CD226: variants seen among roughly 807,000 people sequenced by gnomAD.
CD226 encodes the protein CD226 molecule.
A neutral mutation model predicts 34.9 loss-of-function variants in CD226; 24 were observed. The observed-to-expected ratio is 0.69, with a 90% CI of 0.50 to 0.97. The LOEUF is 0.97. Ranked by LOEUF, CD226 falls within the 50% of genes least tolerant of loss-of-function variation. CD226 has a pLI of 0.00. For missense variants in CD226, 397 were observed against 412.7 expected (o/e 0.96, Z 0.33); for synonymous variants, 148 against 147.4 (o/e 1.00, Z -0.03).
At chr18:69,952,196 TCTCA>T (rs2055860273), upstream of CD226, among the ~76,000 whole-genome samples, 1 of 152,146 alleles carries the variant, frequency 6.6e-6, no homozygotes, top group South Asian at 2.1e-4. Context: ...AACCACATGT[TCTCA>T]CTTATAAATG....
intron 2 of CD226, among the ~76,000 whole-genome samples, chr18:69,918,838 T>C (rs967295835): frequency 6.6e-6 from 1 of 151,974 alleles, no homozygotes; most frequent in Admixed American, 6.5e-5. Context: ...AAAATACAGA[T>C]GGAAAGTGGA....
At chr18:69,918,227 T>C (rs1484873532) in intron 2 of CD226, among the ~76,000 whole-genome samples, 2 of 152,122 alleles carry the variant, frequency 1.3e-5, no homozygotes, top group African/African-American at 4.8e-5. Context: ...TCAAAAATAT[T>C]TGGTAAGGGC....
intron 4 of CD226, among the ~76,000 whole-genome samples, chr18:69,869,548 T>C (rs1983371427): frequency 6.6e-6 from 1 of 152,072 alleles, no homozygotes; most frequent in Non-Finnish European, 1.5e-5. Flanking sequence ...AAAATAACTA[T>C]TGGGTATAAG....
Position 69,871,958 on chromosome 18 carries a change from G to A in CD226, c.830+1186C>T, listed in dbSNP as rs144224191. On this transcript the variant is annotated intron_variant, in intron 4 of 5. Coordinates refer to ENST00000582621, the MANE Select transcript of CD226 (RefSeq NM_001303618.2). ...CTACAGCTGAGAGCAGGCTGGAGAC[G>A]TTACCAAAACCAGGGAGCAGTGATG... 1.4e-3 allele frequency among the ~76,000 whole-genome samples: 220 copies of A among 152,134 alleles called. 1 individual carries two copies. Among genetic ancestry groups the A allele is most frequent in the Middle Eastern group, 6.8e-3 (2 of 294 alleles).
chr18:69,901,827 C>A (rs900084079), intron 2 of CD226, among the ~76,000 whole-genome samples: 7 of 150,690 alleles, frequency 4.6e-5, no homozygotes, highest in South Asian at 2.1e-4. Context: ...TGCAGTGAGC[C>A]GAGATCGCAC....
chr18:69,868,569 T>G (rs1847865289), intron 4 of CD226, among the ~76,000 whole-genome samples: 1 of 152,228 alleles, frequency 6.6e-6, no homozygotes, highest in Non-Finnish European at 1.5e-5. Context: ...AAATTTACTA[T>G]ACACAAGGCA....
At chr18:69,879,377 C>T (rs1289719085) in intron 3 of CD226, among the ~76,000 whole-genome samples, 1 of 152,006 alleles carries the variant, frequency 6.6e-6, no homozygotes, top group Non-Finnish European at 1.5e-5. Flanking sequence ...TTATAGAGGG[C>T]TCTCCTCCCC....
At chr18:69,896,155 C>G (rs1985278834) in intron 2 of CD226, 110 bp from the exon 3 acceptor site, 3 of 1,449,812 alleles carry the variant, frequency 2.1e-6, no homozygotes. Context: ...CACAGTTCTT[C>G]CGTTGTGAAT....
intron 5 of CD226, 22 bp from the exon 6 acceptor site, chr18:69,864,461 A>G: frequency 6.2e-7 from 1 of 1,610,046 alleles, no homozygotes; most frequent in Non-Finnish European, 8.5e-7. Context: ...AACAGCAGAG[A>G]GTGTCAATAA....
At chr18:69,943,679 T>C (rs1206029602) in intron 2 of CD226, among the ~76,000 whole-genome samples, 3 of 152,160 alleles carry the variant, frequency 2.0e-5, no homozygotes, top group Non-Finnish European at 4.4e-5. Context: ...TTACATCAAT[T>C]TGCAACTTTA....
intron 5 of CD226, 29 bp downstream of exon 5, chr18:69,867,328 A>G (rs780954148): frequency 2.1e-5 from 32 of 1,504,294 alleles, no homozygotes; most frequent in Non-Finnish European, 2.6e-5. Flanking sequence ...ATTACAAAAG[A>G]AAAAAATGAC....
intron 3 of CD226, among the ~76,000 whole-genome samples, chr18:69,876,626 C>T (rs1983878831): frequency 6.6e-6 from 1 of 152,136 alleles, no homozygotes; most frequent in Admixed American, 6.5e-5. Context: ...TCTCTGCTCT[C>T]ACACTACCAC....
upstream of CD226, among the ~76,000 whole-genome samples, chr18:69,949,654 C>T (rs116743886): frequency 0.012 from 1,886 of 152,226 alleles, 39 homozygotes; most frequent in African/African-American, 0.043. Context: ...CCCACACATG[C>T]TGTCTCCCAA....
rs544276533 is a variant in CD226 at position 69,902,585 on chromosome 18, G to GC, written c.383-6541dup. Among the ~76,000 whole-genome samples the GC allele has an allele frequency of 1.2e-3, 187 of 150,714 alleles. 1 individual carries two copies. The highest frequency in any genetic ancestry group is 4.3e-3 in the African/African-American group (178 of 41,002). On this transcript the variant is annotated intron_variant, in intron 2 of 5. Coordinates refer to ENST00000582621, the MANE Select transcript of CD226 (RefSeq NM_001303618.2). ...GTCCCTAAAAAAAAATGTGTGTTGT[G>GC]CCCCCAGGAGTCCACTGCCCTTCCC...
At chr18:69,909,271 AATG>A (rs1392263512) in intron 2 of CD226, among the ~76,000 whole-genome samples, 1 of 152,180 alleles carries the variant, frequency 6.6e-6, no homozygotes, top group African/African-American at 2.4e-5. Context: ...AAATTTAGTG[AATG>A]ATACCAGGAA....
At chr18:69,873,725 T>C (rs1180634686) in intron 3 of CD226, among the ~76,000 whole-genome samples, 1 of 151,976 alleles carries the variant, frequency 6.6e-6, no homozygotes, top group African/African-American at 2.4e-5. Context: ...CAAAAAGTGA[T>C]CCCAGTGTGG....
intron 3 of CD226, among the ~76,000 whole-genome samples, chr18:69,883,342 A>C (rs1397026838): frequency 6.6e-6 from 1 of 152,238 alleles, no homozygotes; most frequent in African/African-American, 2.4e-5. Flanking sequence ...TGAGGAAAAC[A>C]AACGAGGTAG....
chr18:69,854,789 G>C lies in CD226; in HGVS notation c.*9525C>G, dbSNP rs779538681. 3.3e-5 allele frequency: 5 copies of C among 152,264 alleles called. No homozygotes were observed. Among genetic ancestry groups the C allele is most frequent in the African/African-American group, 4.8e-5 (2 of 41,446 alleles). The allele number at this position is 152,264 out of a possible 1,614,324, so 9.4% of individuals were successfully genotyped here. On this transcript the variant is annotated 3_prime_UTR_variant, in exon 6 of 6. Coordinates refer to ENST00000582621, the MANE Select transcript of CD226 (RefSeq NM_001303618.2). Reference sequence around the variant, plus strand: ...CCCACTAAAAGACTGAGATTTCACTGTAAGATTACAGAGCACTCTCCTTTC... The same window carrying C: ...CCCACTAAAAGACTGAGATTTCACTCTAAGATTACAGAGCACTCTCCTTTC...
chr18:69,919,490 C>A lies in CD226; in HGVS notation c.383-23445G>T, dbSNP rs114857165. 5.0e-3 allele frequency among the ~76,000 whole-genome samples: 768 copies of A among 152,182 alleles called. 4 individuals carry two copies. Among genetic ancestry groups the A allele is most frequent in the African/African-American group, 0.018 (736 of 41,516 alleles). Reference sequence around the variant, plus strand: ...TTTAAAGGATCATCCAGGAAGTAGACAAAACTCTTCAAACAATGTCTAGTA... The same window carrying A: ...TTTAAAGGATCATCCAGGAAGTAGAAAAAACTCTTCAAACAATGTCTAGTA... On this transcript the variant is annotated intron_variant, in intron 2 of 5. Coordinates refer to ENST00000582621, the MANE Select transcript of CD226 (RefSeq NM_001303618.2).
Sources: allele counts gnomAD v4.1 joint callset (sites outside exome capture counted in the v4.1 genomes callset), GRCh38; gene constraint gnomAD v4.1.1; transcripts MANE v1.5; gene names NCBI Gene and HGNC (gene_info 2026-07-23, HGNC 2026-07-21).